The following LRP1B variants were observed in gnomAD, a reference collection of about 807,000 sequenced individuals.
LRP1B encodes the protein LDL receptor related protein 1B, also known as low-density lipoprotein receptor-related protein 1B.
A neutral mutation model predicts 556.6 loss-of-function variants in LRP1B; 217 were observed. The ratio of observed to expected loss-of-function variants is 0.39; its 90% CI spans 0.35 to 0.44. The LOEUF is 0.44. Among genes scored for constraint, LRP1B ranks in the 20% least tolerant of loss-of-function variants. LRP1B has a pLI of 1.00. For missense variants in LRP1B, 5,053 were observed against 5,620.8 expected (o/e 0.90, Z 3.23); for synonymous variants, 2,047 against 1,865.8 (o/e 1.10, Z -2.50).
intron 6 of LRP1B, among the ~76,000 whole-genome samples, chr2:141,215,165 G>A (rs1157354274): frequency 6.6e-6 from 1 of 152,066 alleles, no homozygotes; most frequent in Non-Finnish European, 1.5e-5. Flanking sequence ...TTGAAAGTGT[G>A]TAGCACCTCT....
At chr2:140,468,374 G>A (rs1037335261) in intron 60 of LRP1B, among the ~76,000 whole-genome samples, 2 of 152,186 alleles carry the variant, frequency 1.3e-5, no homozygotes, top group Non-Finnish European at 2.9e-5. Flanking sequence ...TGGGGTTGGG[G>A]TAGACAACTG....
intron 2 of LRP1B, among the ~76,000 whole-genome samples, chr2:141,698,803 C>A (rs904520738): frequency 3.3e-5 from 5 of 151,568 alleles, no homozygotes; most frequent in African/African-American, 1.2e-4. Context: ...ACATGAAGTT[C>A]TTTACGGTGC....
rs1456449366 is a variant in LRP1B, at chr2:141,657,594, G to A, written c.205+152685C>T. ...TTTCAATTATACATTTCTCTTTTTT[G>A]TAATTTCTAACTAATTGATTTGAGA... On this transcript the variant is annotated intron_variant, in intron 2 of 90. Transcript: ENST00000389484. Among the ~76,000 whole-genome samples, 9 of 151,006 alleles carry A rather than the reference G, an allele frequency of 6.0e-5. No individual in the cohort carries two copies. In the South Asian group the frequency reaches 1.5e-3, roughly 25 times the overall value.
chr2:141,936,831 T>C (rs1700648570), intron 1 of LRP1B, among the ~76,000 whole-genome samples: 1 of 152,100 alleles, frequency 6.6e-6, no homozygotes, highest in African/African-American at 2.4e-5. Context: ...TGGATATACA[T>C]AATATGATAT....
intron 1 of LRP1B, among the ~76,000 whole-genome samples, chr2:141,830,090 T>G (rs1210537876): frequency 6.6e-6 from 1 of 151,964 alleles, no homozygotes; most frequent in African/African-American, 2.4e-5. Context: ...AAATAAAATC[T>G]ATTTTACTTA....
chr2:141,467,731 A>G (rs1352795026), intron 3 of LRP1B, among the ~76,000 whole-genome samples: 1 of 152,046 alleles, frequency 6.6e-6, no homozygotes, highest in Admixed American at 6.5e-5. Flanking sequence ...AATAAGAAAC[A>G]AAACTGAAAG....
At position 141,952,831 on chromosome 2, in the gene LRP1B, G is replaced by T. The variant is rs142165740; in HGVS notation, c.83-142430C>A. On this transcript the variant is annotated intron_variant, in intron 1 of 90. Transcript: ENST00000389484. ...TTACTGTTGAAAAAATAAGTTCATT[G>T]TGTGTGGTAGTTTTTATGTTTCAAT... 5.1e-4 allele frequency among the ~76,000 whole-genome samples: 78 copies of T among 152,122 alleles called. No homozygotes were observed. The East Asian group carries it at 0.014, about 28-fold the overall frequency.
At chr2:141,677,256 G>T (rs969258490) in intron 2 of LRP1B, among the ~76,000 whole-genome samples, 4 of 152,036 alleles carry the variant, frequency 2.6e-5, no homozygotes, top group Non-Finnish European at 4.4e-5. Flanking sequence ...GAATTTTACA[G>T]AAAAAGAGGA....
intron 1 of LRP1B, among the ~76,000 whole-genome samples, chr2:142,060,185 T>C (rs754708173): frequency 4.6e-5 from 7 of 152,080 alleles, no homozygotes; most frequent in Non-Finnish European, 8.8e-5. Flanking sequence ...ATGATGGTTT[T>C]GGATGCATAT....
chr2:140,529,007 A>G (rs897232574), intron 47 of LRP1B, among the ~76,000 whole-genome samples: 1 of 152,026 alleles, frequency 6.6e-6, no homozygotes, highest in Non-Finnish European at 1.5e-5. Flanking sequence ...TCCTCGGGCT[A>G]AGAGTCCTGA....
At chr2:141,928,349 A>G (rs1057458761) in intron 1 of LRP1B, among the ~76,000 whole-genome samples, 11 of 152,280 alleles carry the variant, frequency 7.2e-5, no homozygotes, top group African/African-American at 2.2e-4. Context: ...AAGTACGCAA[A>G]TATTTTTAAA....
chr2:142,027,399 T>C (rs1703544721), intron 1 of LRP1B, among the ~76,000 whole-genome samples: 1 of 151,448 alleles, frequency 6.6e-6, no homozygotes, highest in Non-Finnish European at 1.5e-5. Flanking sequence ...CACTATATAT[T>C]CAATAATATA....
chr2:142,000,127 A>G (rs1024191951), intron 1 of LRP1B, among the ~76,000 whole-genome samples: 2 of 152,088 alleles, frequency 1.3e-5, no homozygotes, highest in East Asian at 3.8e-4. Context: ...ACTTAAGGTT[A>G]TATGTTAATT....
intron 2 of LRP1B, among the ~76,000 whole-genome samples, chr2:141,686,952 C>T (rs1484477613): frequency 6.6e-6 from 1 of 151,890 alleles, no homozygotes; most frequent in Non-Finnish European, 1.5e-5. Flanking sequence ...AAGGCTCTCA[C>T]CTAATGTGGC....
intron 83 of LRP1B, among the ~76,000 whole-genome samples, chr2:140,311,776 T>C (rs1351811942): frequency 6.6e-6 from 1 of 151,918 alleles, no homozygotes; most frequent in Non-Finnish European, 1.5e-5. Flanking sequence ...CAAAGATTGA[T>C]TTAAATATCT....
chr2:141,666,260 A>G (rs1690428774), intron 2 of LRP1B, among the ~76,000 whole-genome samples: 1 of 152,210 alleles, frequency 6.6e-6, no homozygotes, highest in Admixed American at 6.5e-5. Context: ...CAACAATGTT[A>G]TCTTGTATCA....
chr2:141,088,771 G>C (rs1700106406), intron 7 of LRP1B, among the ~76,000 whole-genome samples: 1 of 152,042 alleles, frequency 6.6e-6, no homozygotes, highest in Non-Finnish European at 1.5e-5. Context: ...ACAGCACTAG[G>C]GTGCTTCAAA....
intron 33 of LRP1B, among the ~76,000 whole-genome samples, chr2:140,774,094 T>G (rs1689409918): frequency 6.6e-6 from 1 of 152,148 alleles, no homozygotes; most frequent in African/African-American, 2.4e-5. Context: ...TAGGTAGTGA[T>G]GTTAACACCT....
At chr2:140,980,222 C>T (rs1390176522) in intron 18 of LRP1B, among the ~76,000 whole-genome samples, 1 of 151,972 alleles carries the variant, frequency 6.6e-6, no homozygotes, top group Non-Finnish European at 1.5e-5. Context: ...ACTCTGATTC[C>T]AGGGCCTCTC....
Sources: gnomAD v4.1 joint callset for allele counts (sites outside exome capture counted in the v4.1 genomes callset) on GRCh38, gnomAD v4.1.1 for gene constraint, MANE v1.5 for transcripts, NCBI Gene and HGNC (gene_info 2026-07-23, HGNC 2026-07-21) for gene names.